IMPG2: variants seen among roughly 807,000 people sequenced by gnomAD.
IMPG2 encodes the protein IPM 200.
In IMPG2, 91 loss-of-function variants were observed where a neutral mutation model predicts 129.2. The observed-to-expected ratio is 0.70, with a 90% CI of 0.59 to 0.84. The LOEUF (loss-of-function observed/expected upper bound fraction) is 0.84. IMPG2 is among the 40% of genes least tolerant of loss of function. IMPG2 has a pLI of 0.00. For synonymous variants in IMPG2, 510 were observed against 517.7 expected (o/e 0.99, Z 0.20); for missense variants, 1,430 against 1,461.7 (o/e 0.98, Z 0.35).
At chr3:101,319,285 G>A (rs1188995327) in intron 2 of IMPG2, among the ~76,000 whole-genome samples, 4 of 151,898 alleles carry the variant, frequency 2.6e-5, no homozygotes, top group East Asian at 1.9e-4. Flanking sequence ...CTTACATAAC[G>A]CACCAAAAGC....
In IMPG2 at chr3:101,309,984, T is replaced by TAA. The variant is rs58228059; in HGVS notation, c.335-5674_335-5673dup. ...GGAAAGTGAAAATAATCTATGAGTT[T>TAA]AAAAATGGTTCAAAGAGTGGTCACA... On this transcript the variant is annotated intron_variant, in intron 2 of 18. Transcript: ENST00000193391. Among the ~76,000 whole-genome samples, 3 of 152,270 alleles carry TAA rather than the reference T, an allele frequency of 2.0e-5. No homozygotes were observed. In the East Asian group the frequency reaches 5.8e-4, roughly 29 times the overall value.
chr3:101,285,726 T>C (rs964585330), intron 4 of IMPG2, among the ~76,000 whole-genome samples: 5 of 152,226 alleles, frequency 3.3e-5, no homozygotes, highest in African/African-American at 1.2e-4. Context: ...TCAGCAGATA[T>C]GATTTTGAAA....
At chr3:101,256,227 T>C (rs968960313) in intron 10 of IMPG2, among the ~76,000 whole-genome samples, 1 of 131,898 alleles carries the variant, frequency 7.6e-6, no homozygotes, top group East Asian at 2.4e-4. Flanking sequence ...GAAAAAAATA[T>C]CTTATTTGGG....
intron 14 of IMPG2, among the ~76,000 whole-genome samples, chr3:101,237,443 T>C (rs2107212706): frequency 6.6e-6 from 1 of 152,250 alleles, no homozygotes; most frequent in South Asian, 2.1e-4. Context: ...CAGCAGGAAT[T>C]GACAGACACC....
rs1706568039 is a variant in IMPG2, at chr3:101,253,676, C to G, written c.1239+20G>C. 3 of 1,567,200 alleles carry G rather than the reference C, an allele frequency of 1.9e-6. No individual in the cohort carries two copies. Among genetic ancestry groups the G allele is most frequent in the Non-Finnish European group, 2.6e-6 (3 of 1,139,572 alleles). On this transcript the variant is annotated intron_variant, in intron 11 of 18. Transcript: ENST00000193391. ...GAGAAGCTTGAGGGCCTGGTTCTAG[C>G]ATAAAACATAAAAACATACCAGAAT...
intron 1 of IMPG2, 87 bp downstream of exon 1, chr3:101,320,201 T>C: frequency 1.3e-6 from 1 of 798,310 alleles, no homozygotes; most frequent in Non-Finnish European, 2.1e-6. Flanking sequence ...TTCCATTTCT[T>C]ACAGCAATCA....
chr3:101,231,566 A>T (rs1160398341), intron 15 of IMPG2, among the ~76,000 whole-genome samples: 5 of 152,212 alleles, frequency 3.3e-5, no homozygotes, highest in Non-Finnish European at 7.3e-5. Context: ...TTCAAACCCT[A>T]AGGCCACAGG....
chr3:101,306,217 C>T (rs1707187833), intron 2 of IMPG2, among the ~76,000 whole-genome samples: 1 of 152,212 alleles, frequency 6.6e-6, no homozygotes, highest in Non-Finnish European at 1.5e-5. Context: ...CAAAGTGCTA[C>T]ATGAATATCA....
intron 15 of IMPG2, 31 bp downstream of exon 15, chr3:101,232,750 T>G (rs187360537): frequency 1.9e-6 from 3 of 1,598,066 alleles, no homozygotes; most frequent in Non-Finnish European, 2.6e-6. Context: ...ATCTATAGCC[T>G]CTAAAGTCAA....
chr3:101,317,964 A>C (rs1341964687), intron 2 of IMPG2, among the ~76,000 whole-genome samples: 1 of 151,576 alleles, frequency 6.6e-6, no homozygotes, highest in Non-Finnish European at 1.5e-5. Flanking sequence ...TACCAAAAAC[A>C]CAAAAAAACA....
At chr3:101,305,749 A>G (rs1707183186) in intron 2 of IMPG2, among the ~76,000 whole-genome samples, 1 of 152,196 alleles carries the variant, frequency 6.6e-6, no homozygotes, top group African/African-American at 2.4e-5. Context: ...TTGCTGTATT[A>G]TAATAAAAAC....
chr3:101,223,244 G>A lies in IMPG2; in HGVS notation c.*3725C>T, dbSNP rs1432698166. The A allele has an allele frequency of 2.0e-5, 3 of 152,178 alleles. No individual in the cohort carries two copies. Among genetic ancestry groups the A allele is most frequent in the Non-Finnish European group, 4.4e-5 (3 of 68,044 alleles). 9.4% of individuals were successfully genotyped at this position (152,178 alleles called of 1,614,324 possible). A position where few individuals can be genotyped will look rare whatever the true frequency, so the allele number is the denominator to read the frequency against. ...TTACACAATTGGGAGAATAAGCTAG[G>A]ATCTTGACTCACTGCAGCTGGATTG... On this transcript the variant is annotated 3_prime_UTR_variant, in exon 19 of 19. Transcript: ENST00000193391.
intron 14 of IMPG2, among the ~76,000 whole-genome samples, chr3:101,235,441 A>G (rs1706335703): frequency 6.6e-6 from 1 of 152,238 alleles, no homozygotes; most frequent in Non-Finnish European, 1.5e-5. Context: ...CTATTTAAAA[A>G]TTTTGAAACT....
intron 11 of IMPG2, among the ~76,000 whole-genome samples, chr3:101,250,976 T>C (rs1487150297): frequency 6.6e-6 from 1 of 152,190 alleles, no homozygotes; most frequent in Non-Finnish European, 1.5e-5. Flanking sequence ...ATGATGATGA[T>C]CATACCATAA....
intron 2 of IMPG2, among the ~76,000 whole-genome samples, chr3:101,309,343 G>C (rs1707237004): frequency 6.6e-6 from 1 of 152,150 alleles, no homozygotes; most frequent in Non-Finnish European, 1.5e-5. Context: ...CAAGACTGAA[G>C]AGTTTATAAA....
At chr3:101,233,356 C>A (rs536939331) in intron 14 of IMPG2, among the ~76,000 whole-genome samples, 1 of 152,288 alleles carries the variant, frequency 6.6e-6, no homozygotes, top group East Asian at 1.9e-4. Flanking sequence ...ATGGACCATT[C>A]ATTTCCACCA....
intron 3 of IMPG2, among the ~76,000 whole-genome samples, chr3:101,303,533 G>A (rs557566242): frequency 7.2e-5 from 11 of 152,294 alleles, no homozygotes; most frequent in South Asian, 2.1e-4. Context: ...AATTTGCCAC[G>A]TACGTCTGGA....
At chr3:101,294,463 G>A (rs906369491) in intron 3 of IMPG2, among the ~76,000 whole-genome samples, 3 of 152,088 alleles carry the variant, frequency 2.0e-5, no homozygotes, top group East Asian at 1.9e-4. Context: ...TGGTGTATAC[G>A]CACCACGTTT....
intron 4 of IMPG2, among the ~76,000 whole-genome samples, chr3:101,281,675 G>C (rs1706894450): frequency 6.6e-6 from 1 of 152,176 alleles, no homozygotes; most frequent in Admixed American, 6.5e-5. Flanking sequence ...AATTAAGCTT[G>C]CTAATCGGCA....
Sources: allele counts gnomAD v4.1 joint callset (sites outside exome capture counted in the v4.1 genomes callset), GRCh38; gene constraint gnomAD v4.1.1; transcripts MANE v1.5; gene names NCBI Gene and HGNC (gene_info 2026-07-23, HGNC 2026-07-21).